MRPS9: variants seen among roughly 807,000 people sequenced by gnomAD.
MRPS9 encodes the protein small ribosomal subunit protein uS9m.
Under a neutral mutation model 59.9 loss-of-function variants are expected in MRPS9, and 45 were observed. The observed-to-expected ratio is 0.75, with a 90% CI of 0.59 to 0.96. The LOEUF is 0.96. MRPS9 is among the 40% of genes least tolerant of loss of function. The pLI is 0.00. For synonymous variants in MRPS9, 171 were observed against 166.8 expected (o/e 1.03, Z -0.19); for missense variants, 473 against 481.1 (o/e 0.98, Z 0.16).
intron 5 of MRPS9, among the ~76,000 whole-genome samples, chr2:105,083,615 G>T (rs1411653030): frequency 6.6e-6 from 1 of 152,124 alleles, no homozygotes. Flanking sequence ...GTAAAACATG[G>T]CTCATTAAGT....
chr2:105,081,564 A>C (rs1680348364), intron 5 of MRPS9, among the ~76,000 whole-genome samples: 1 of 152,202 alleles, frequency 6.6e-6, no homozygotes, highest in Non-Finnish European at 1.5e-5. Flanking sequence ...CCCAAGGGCA[A>C]GATATTTTGT....
intron 5 of MRPS9, among the ~76,000 whole-genome samples, chr2:105,086,476 G>A (rs111329443): frequency 0.018 from 2,694 of 152,222 alleles, 82 homozygotes; most frequent in African/African-American, 0.062. Flanking sequence ...TTGCTCAAAA[G>A]TCATTGGGAA....
chr2:105,084,525 A>G (rs1680411883), intron 5 of MRPS9, among the ~76,000 whole-genome samples: 1 of 152,178 alleles, frequency 6.6e-6, no homozygotes, highest in Non-Finnish European at 1.5e-5. Context: ...GGGACGGAGT[A>G]TCACAGAATT....
intron 1 of MRPS9, among the ~76,000 whole-genome samples, chr2:105,047,244 TCTC>T (rs1182192861): frequency 1.3e-5 from 2 of 152,022 alleles, no homozygotes; most frequent in Non-Finnish European, 2.9e-5. Flanking sequence ...AAGGATGTGA[TCTC>T]CTAAGTAAAA....
At position 105,078,141 on chromosome 2, in the gene MRPS9, C is replaced by CTTTTTTT. The variant is rs11421327; in HGVS notation, c.410-1830_410-1824dup. Among the ~76,000 whole-genome samples the CTTTTTTT allele has an allele frequency of 5.7e-3, 721 of 127,066 alleles. 7 individuals carry two copies. Among genetic ancestry groups the CTTTTTTT allele is most frequent in the African/African-American group, 0.021 (692 of 33,296 alleles). 83.4% of individuals were successfully genotyped at this position (127,066 alleles called of 152,430 possible). On this transcript the variant is annotated intron_variant, in intron 4 of 10. Coordinates refer to ENST00000258455, the MANE Select transcript of MRPS9 (RefSeq NM_182640.3). ...GTGCCTTATTCAGTTAATTCTAAGA[C>CTTTTTTT]TTTTTTTTTTTTTTTTTTCAAATTT...
At chr2:105,086,298 G>A (rs972007322) in intron 5 of MRPS9, among the ~76,000 whole-genome samples, 12 of 152,280 alleles carry the variant, frequency 7.9e-5, no homozygotes, top group Non-Finnish European at 1.0e-4. Flanking sequence ...CGAATTCATC[G>A]TGTTTGAAAT....
intron 2 of MRPS9, among the ~76,000 whole-genome samples, chr2:105,060,728 T>C (rs1482988482): frequency 6.6e-6 from 1 of 152,128 alleles, no homozygotes; most frequent in Non-Finnish European, 1.5e-5. Context: ...CAATGAGAAC[T>C]TGGGAAAGTC....
chr2:105,063,625 C>G (rs1558755031), intron 2 of MRPS9, among the ~76,000 whole-genome samples: 1 of 152,218 alleles, frequency 6.6e-6, no homozygotes, highest in East Asian at 1.9e-4. Flanking sequence ...ATGCTTCACT[C>G]TTAAATACAT....
chr2:105,075,746 GTTAA>G, intron 4 of MRPS9, among the ~76,000 whole-genome samples: 1 of 152,250 alleles, frequency 6.6e-6, no homozygotes, highest in Non-Finnish European at 1.5e-5. Context: ...AATTCTCTGT[GTTAA>G]TTGAGTCAAG....
At chr2:105,093,237 C>T (rs1680595284) in intron 8 of MRPS9, among the ~76,000 whole-genome samples, 1 of 151,996 alleles carries the variant, frequency 6.6e-6, no homozygotes, top group Admixed American at 6.6e-5. Flanking sequence ...TGTGGATTCT[C>T]GTAAGGGAAA....
Position 105,049,240 on chromosome 2 carries a change from TACAC to T in MRPS9, c.207_210del (p.Tyr69Ter). 6.2e-7 allele frequency: 1 copy of T among 1,613,552 alleles called. No individual in the cohort carries two copies. The highest frequency in any genetic ancestry group is 8.5e-7 in the Non-Finnish European group (1 of 1,179,744). On this transcript the variant is annotated frameshift_variant, in exon 2 of 11. Coordinates refer to ENST00000258455, the MANE Select transcript of MRPS9 (RefSeq NM_182640.3). LOFTEE classifies it high-confidence loss of function. ...CGTTCCTACCTCAAAACGTGAAACT[TACAC>T]AGAGGATTTTATTAAAAAGCAGATT...
intron 4 of MRPS9, among the ~76,000 whole-genome samples, chr2:105,079,491 C>T (rs1036361658): frequency 1.3e-5 from 2 of 151,960 alleles, no homozygotes; most frequent in Admixed American, 6.6e-5. Context: ...TTTAAACTCT[C>T]GGAGGTTGAT....
Position 105,066,668 on chromosome 2 carries a change from G to T in MRPS9, c.316-4645G>T, listed in dbSNP as rs139156502. Among the ~76,000 whole-genome samples, 809 of 152,086 alleles carry T rather than the reference G, an allele frequency of 5.3e-3. 6 individuals carry two copies. The highest frequency in any genetic ancestry group is 9.1e-3 in the Non-Finnish European group (622 of 67,992). On this transcript the variant is annotated intron_variant, in intron 2 of 10. Transcript: ENST00000258455. ...TTGAATTGTCTCCTTTGTGGTTGCA[G>T]TGTGTTCACCCTAAGTTGAAGAATT...
rs190087484 is a variant in MRPS9 at position 105,088,557 on chromosome 2, G to A, written c.490-427G>A. Among the ~76,000 whole-genome samples, 110 of 152,068 alleles carry A rather than the reference G, an allele frequency of 7.2e-4. 2 individuals carry two copies. In the East Asian group the frequency reaches 0.013, roughly 18 times the overall value. On this transcript the variant is annotated intron_variant, in intron 5 of 10. Coordinates refer to ENST00000258455, the MANE Select transcript of MRPS9 (RefSeq NM_182640.3). ...AGTAGTAAGTCGTATTAAATAATAC[G>A]TAAGTATCTATAAATACCATATATT...
chr2:105,076,380 T>G (rs1380619646), intron 4 of MRPS9, among the ~76,000 whole-genome samples: 2 of 152,370 alleles, frequency 1.3e-5, no homozygotes, highest in East Asian at 3.9e-4. Context: ...ATGGTCTTAC[T>G]GGTAGCAAAT....
chr2:105,091,983 C>T (rs1415910850), intron 7 of MRPS9: 1 of 155,900 alleles, frequency 6.4e-6, no homozygotes, highest in Non-Finnish European at 1.4e-5. Flanking sequence ...TTAAGAGGTA[C>T]ATTTTCTCAA....
chr2:105,053,765 T>C (rs1293188650), intron 2 of MRPS9, among the ~76,000 whole-genome samples: 1 of 152,216 alleles, frequency 6.6e-6, no homozygotes, highest in Non-Finnish European at 1.5e-5. Context: ...GCAGCTATTC[T>C]GTACTTTTAA....
chr2:105,042,045 G>GT (rs1679511459), intron 1 of MRPS9, among the ~76,000 whole-genome samples: 1 of 152,124 alleles, frequency 6.6e-6, no homozygotes, highest in Non-Finnish European at 1.5e-5. Flanking sequence ...GATGATGAAC[G>GT]TATCAGTTAT....
In MRPS9 at chr2:105,089,032, C is replaced by A; in HGVS notation, c.538C>A (p.Gln180Lys). The change falls in exon 6 of 11, where the codon CAA (glutamine) becomes AAA (lysine). Residue 180 changes from glutamine (Q) to lysine (K), a missense_variant. Coordinates refer to ENST00000258455, the MANE Select transcript of MRPS9 (RefSeq NM_182640.3). Reference sequence around the variant, plus strand: ...TTTAGAAAAACATCAAAGTCACTTGCAAGCCAAAAGTCTGCTCCCAGAAAA... The same window carrying A: ...TTTAGAAAAACATCAAAGTCACTTGAAAGCCAAAAGTCTGCTCCCAGAAAA... Reference protein sequence around the residue: ...LNLEKHQSHLQAKSLLPEKTV... With the variant: ...LNLEKHQSHLKAKSLLPEKTV... 1 of 1,611,444 alleles carries A rather than the reference C, an allele frequency of 6.2e-7. No individual in the cohort carries two copies. The highest frequency in any genetic ancestry group is 1.1e-5 in the South Asian group (1 of 90,710).
Sources: allele counts gnomAD v4.1 joint callset (sites outside exome capture counted in the v4.1 genomes callset), GRCh38; gene constraint gnomAD v4.1.1; transcripts MANE v1.5; gene names NCBI Gene and HGNC (gene_info 2026-07-23, HGNC 2026-07-21).